The following SNAP91 variants were observed in gnomAD, a reference collection of about 807,000 sequenced individuals.
SNAP91 encodes the protein synaptosome associated protein 91.
SNAP91 carries 27 observed loss-of-function variants against 100.3 expected under a neutral mutation model. That is an observed-to-expected ratio of 0.27 (90% CI 0.20 to 0.37). The LOEUF is 0.37. Ranked by LOEUF, SNAP91 falls within the 10% of genes least tolerant of loss-of-function variation. The pLI is 1.00. For missense variants in SNAP91, 986 were observed against 1,123.7 expected (o/e 0.88, Z 1.75); for synonymous variants, 404 against 398.6 (o/e 1.01, Z -0.16).
chr6:83,648,943 G>GT (rs1390475192), intron 7 of SNAP91, among the ~76,000 whole-genome samples: 3 of 152,096 alleles, frequency 2.0e-5, no homozygotes, highest in Admixed American at 6.6e-5. Flanking sequence ...TTTTGATGAA[G>GT]TCCAATTTGT....
intron 28 of SNAP91, among the ~76,000 whole-genome samples, chr6:83,557,097 C>A (rs1247064098): frequency 6.6e-6 from 1 of 152,042 alleles, no homozygotes; most frequent in Non-Finnish European, 1.5e-5. Flanking sequence ...ATTATTTTTT[C>A]ATTGTGTCAC....
chr6:83,554,293 GA>G lies in SNAP91; in HGVS notation c.*11-9del. On this transcript the variant is annotated splice_polypyrimidine_tract_variant and intron_variant, in intron 29 of 29. Coordinates refer to ENST00000369694, the MANE Select transcript of SNAP91 (RefSeq NM_001242792.2). ...CAGTCACAAATATTGCAGCTGTAAA[GA>G]AAACAAAAACTAGAATTAGAAAACA... is the stretch of plus-strand genomic sequence containing the variant. 6.6e-6 allele frequency: 2 copies of G among 303,772 alleles called. No homozygotes were observed. Among genetic ancestry groups the G allele is most frequent in the South Asian group, 5.4e-5 (2 of 36,780 alleles). 18.8% of individuals were successfully genotyped at this position (303,772 alleles called of 1,614,324 possible).
chr6:83,664,623 C>T (rs1250259490), intron 3 of SNAP91, among the ~76,000 whole-genome samples: 2 of 151,872 alleles, frequency 1.3e-5, no homozygotes, highest in Admixed American at 6.6e-5. Flanking sequence ...TTCTTATGGA[C>T]GAGAAAGAAA....
intron 8 of SNAP91, among the ~76,000 whole-genome samples, chr6:83,627,895 G>A (rs145856496): frequency 5.4e-4 from 82 of 151,716 alleles, no homozygotes; most frequent in South Asian, 2.1e-3. Context: ...GTGAGGTGGC[G>A]TTTGGTTACA....
chr6:83,698,952 C>A (rs1268343772), intron 2 of SNAP91, among the ~76,000 whole-genome samples: 1 of 152,086 alleles, frequency 6.6e-6, no homozygotes, highest in African/African-American at 2.4e-5. Context: ...AAATGATTTA[C>A]AAAAATAATT....
rs1162556439 is a variant in SNAP91, at chr6:83,641,506, G to C, written c.659-304C>G. ...ATTCATGTTCCATATCCAATATCCT[G>C]TCTTGGAAAACAGCAGCAAATTCTT... On this transcript the variant is annotated intron_variant, in intron 7 of 29. Coordinates refer to ENST00000369694, the MANE Select transcript of SNAP91 (RefSeq NM_001242792.2). Among the ~76,000 whole-genome samples the C allele has an allele frequency of 2.0e-5, 3 of 152,112 alleles. No homozygotes were observed. The East Asian group carries it at 5.8e-4, about 29-fold the overall frequency.
chr6:83,691,216 A>G (rs1015851392), intron 2 of SNAP91, among the ~76,000 whole-genome samples: 1 of 152,144 alleles, frequency 6.6e-6, no homozygotes, highest in African/African-American at 2.4e-5. Context: ...AAATGTTATA[A>G]ATTCTTAACC....
rs1042850000 is a variant in SNAP91 at position 83,592,439 on chromosome 6, G to C, written c.1930+16C>G. The C allele has an allele frequency of 6.4e-7, 1 of 1,574,390 alleles. No individual in the cohort carries two copies. On this transcript the variant is annotated intron_variant, in intron 21 of 29. Coordinates refer to ENST00000369694, the MANE Select transcript of SNAP91 (RefSeq NM_001242792.2). Reference sequence around the variant, plus strand: ...AAAAAAGATTCCTTAAGTGTTGATGGAGGAGAAATACGCACCCCCAAAAAG... The same window carrying C: ...AAAAAAGATTCCTTAAGTGTTGATGCAGGAGAAATACGCACCCCCAAAAAG...
intron 8 of SNAP91, among the ~76,000 whole-genome samples, chr6:83,634,455 T>C (rs905107191): frequency 3.3e-5 from 5 of 152,188 alleles, no homozygotes; most frequent in Non-Finnish European, 7.4e-5. Context: ...CTGGGTCTGG[T>C]AGGAGCAATC....
intron 7 of SNAP91, among the ~76,000 whole-genome samples, chr6:83,652,095 T>A (rs1421834818): frequency 6.6e-6 from 1 of 152,174 alleles, no homozygotes; most frequent in Non-Finnish European, 1.5e-5. Context: ...TGTCTTTATA[T>A]TTAAAGTAGA....
At position 83,554,286 on chromosome 6, in the gene SNAP91, C is replaced by T; in HGVS notation, c.*11-1G>A. The T allele has an allele frequency of 3.3e-6, 1 of 305,782 alleles. No individual in the cohort carries two copies. The highest frequency in any genetic ancestry group is 6.3e-6 in the Non-Finnish European group (1 of 157,674). 18.9% of individuals were successfully genotyped at this position (305,782 alleles called of 1,614,324 possible). A position where few individuals can be genotyped will look rare whatever the true frequency, so the allele number is the denominator to read the frequency against. Reference sequence around the variant, plus strand: ...TCCTATTCAGTCACAAATATTGCAGCTGTAAAGAAAACAAAAACTAGAATT... The same window carrying T: ...TCCTATTCAGTCACAAATATTGCAGTTGTAAAGAAAACAAAAACTAGAATT... On this transcript the variant is annotated splice_acceptor_variant, in intron 29 of 29. Coordinates refer to ENST00000369694, the MANE Select transcript of SNAP91 (RefSeq NM_001242792.2). LOFTEE classifies it low-confidence loss of function (3UTR_SPLICE).
chr6:83,617,713 C>T (rs982150785), intron 9 of SNAP91, among the ~76,000 whole-genome samples: 1 of 151,620 alleles, frequency 6.6e-6, no homozygotes, highest in African/African-American at 2.4e-5. Context: ...TTGAATGTTT[C>T]CTTTTATAAA....
rs191006366 is a variant in SNAP91 at position 83,594,713 on chromosome 6, G to A, written c.1325-232C>T. Among the ~76,000 whole-genome samples the A allele has an allele frequency of 2.0e-5, 3 of 151,842 alleles. No homozygotes were observed. In the East Asian group the frequency reaches 5.8e-4, roughly 29 times the overall value. ...TGTTGATACTGCTGAGGCCTAATAG[G>A]ATCCAAAAGGTAATGAGATTCTCAT... On this transcript the variant is annotated intron_variant, in intron 16 of 29. Transcript: ENST00000369694.
chr6:83,602,636 A>T (rs1315799078), intron 14 of SNAP91, among the ~76,000 whole-genome samples: 1 of 152,140 alleles, frequency 6.6e-6, no homozygotes, highest in East Asian at 1.9e-4. Flanking sequence ...AGTTTATTTC[A>T]ATTTCTTAAA....
intron 26 of SNAP91, among the ~76,000 whole-genome samples, chr6:83,572,343 T>C (rs550039277): frequency 1.3e-5 from 2 of 152,206 alleles, no homozygotes; most frequent in Middle Eastern, 3.4e-3. Flanking sequence ...TCCTCCTGGG[T>C]TCAAGTGATT....
chr6:83,668,654 G>T (rs1205799876), intron 2 of SNAP91, among the ~76,000 whole-genome samples: 1 of 152,100 alleles, frequency 6.6e-6, no homozygotes, highest in Non-Finnish European at 1.5e-5. Context: ...CACAGGAAGG[G>T]GAACATCACA....
At chr6:83,616,025 G>C (rs1037150464) in intron 10 of SNAP91, among the ~76,000 whole-genome samples, 1 of 152,134 alleles carries the variant, frequency 6.6e-6, no homozygotes, top group Non-Finnish European at 1.5e-5. Flanking sequence ...CCCTGTAGAG[G>C]ACATACATTA....
At chr6:83,689,913 A>G (rs1269799557) in intron 2 of SNAP91, among the ~76,000 whole-genome samples, 1 of 152,050 alleles carries the variant, frequency 6.6e-6, no homozygotes, top group African/African-American at 2.4e-5. Flanking sequence ...ATAAAATTTC[A>G]TCTTAAGTAT....
At chr6:83,640,105 T>C (rs1445393480) in intron 8 of SNAP91, among the ~76,000 whole-genome samples, 2 of 152,214 alleles carry the variant, frequency 1.3e-5, no homozygotes, top group Non-Finnish European at 2.9e-5. Context: ...AAGATTTTTA[T>C]TCTAACTACA....
Sources: allele counts gnomAD v4.1 joint callset (sites outside exome capture counted in the v4.1 genomes callset), GRCh38; gene constraint gnomAD v4.1.1; transcripts MANE v1.5; gene names NCBI Gene and HGNC (gene_info 2026-07-23, HGNC 2026-07-21).